Variants in DENND3 observed in about 807,000 individuals in gnomAD.
The protein encoded by DENND3 is DENN domain containing 3.
DENND3 carries 88 observed loss-of-function variants against 135.1 expected under a neutral mutation model. That is an observed-to-expected ratio of 0.65 (90% CI 0.55 to 0.78). The LOEUF (loss-of-function observed/expected upper bound fraction) is 0.78, where lower values mean the gene tolerates loss of function less well. Among genes scored for constraint, DENND3 ranks in the 30% least tolerant of loss-of-function variants. The probability of loss-of-function intolerance (pLI) is 0.00; values close to 1 mark genes in which losing one functional copy is unlikely to be tolerated. For synonymous variants in DENND3, 693 were observed against 712.3 expected (o/e 0.97, Z 0.43); for missense variants, 1,392 against 1,688.4 (o/e 0.82, Z 3.08).
intron 18 of DENND3, among the ~76,000 whole-genome samples, chr8:141,186,243 G>A (rs1823873152): frequency 6.6e-6 from 1 of 152,158 alleles, no homozygotes; most frequent in South Asian, 2.1e-4. Flanking sequence ...GGGAACCCTG[G>A]TGTTTCCTGG....
At position 141,168,540 on chromosome 8, in the gene DENND3, G is replaced by A; in HGVS notation, c.2275+15G>A. 1 of 1,589,856 alleles carries A rather than the reference G, an allele frequency of 6.3e-7. No individual in the cohort carries two copies. The highest frequency in any genetic ancestry group is 8.6e-7 in the Non-Finnish European group (1 of 1,165,352). ...CTTGACTGTAGGTAAGAGGAGGCCT[G>A]GCACCATCACAGATTTTATTATTTA... On this transcript the variant is annotated intron_variant, in intron 13 of 22. Coordinates refer to ENST00000519811, the MANE Select transcript of DENND3 (RefSeq NM_001352890.3). The surrounding 1 kb of genome is among the most constrained non-coding windows in gnomAD (Gnocchi z 6.2).
At chr8:141,185,354 T>G in intron 18 of DENND3, 76 bp downstream of exon 18, 2 of 1,585,896 alleles carry the variant, frequency 1.3e-6, no homozygotes, top group Non-Finnish European at 1.7e-6. Context: ...TCATCCATAT[T>G]CGACAGTAGG....
chr8:141,159,664 A>G (rs1303995288), intron 8 of DENND3, among the ~76,000 whole-genome samples: 4 of 152,232 alleles, frequency 2.6e-5, no homozygotes, highest in African/African-American at 9.6e-5. Flanking sequence ...TATGGCATAC[A>G]GTAGGTGCTC....
At chr8:141,142,261 A>C (rs1284540699) in intron 4 of DENND3, 1 of 414,328 alleles carries the variant, frequency 2.4e-6, no homozygotes, top group Non-Finnish European at 4.9e-6. Flanking sequence ...TGAGTCTCAT[A>C]AAGTTACAGT....
Position 141,144,271 on chromosome 8 carries a change from C to A in DENND3, c.735+12C>A, listed in dbSNP as rs749151175. Reference sequence around the variant, plus strand: ...GACCGCTCCATTTGGTAAAGTATATCTGAAATTATATTGTTTTTTCTTTGC... The same window carrying A: ...GACCGCTCCATTTGGTAAAGTATATATGAAATTATATTGTTTTTTCTTTGC... On this transcript the variant is annotated intron_variant, in intron 5 of 22. Transcript: ENST00000519811. The surrounding 1 kb of genome is among the most constrained non-coding windows in gnomAD (Gnocchi z 4.4). The A allele has an allele frequency of 1.9e-6, 3 of 1,591,572 alleles. No individual in the cohort carries two copies. The Admixed American group carries it at 5.4e-5, about 29-fold the overall frequency.
chr8:141,181,876 G>A lies in DENND3; in HGVS notation c.2944+1022G>A, dbSNP rs1823165364. Among the ~76,000 whole-genome samples, 2 of 152,174 alleles carry A rather than the reference G, an allele frequency of 1.3e-5. 1 individual carries two copies. Among genetic ancestry groups the A allele is most frequent in the Middle Eastern group, 6.8e-3 (2 of 294 alleles). The stretch of plus-strand genomic sequence containing the variant: ...CAGCCTCAACCTCCTGGATTCAAGC[G>A]ATCCTCTTGCCTCAGCCTCCTGGGT... On this transcript the variant is annotated intron_variant, in intron 17 of 22. Transcript: ENST00000519811.
rs539866571 is a variant in DENND3, at chr8:141,167,094, G to A, written c.1753+705G>A. Reference sequence around the variant, plus strand: ...GCACGAGTGACACCTTGATGACCCCGAGGGCTATGGTCTAGCAGGGGCAGT... The same window carrying A: ...GCACGAGTGACACCTTGATGACCCCAAGGGCTATGGTCTAGCAGGGGCAGT... On this transcript the variant is annotated intron_variant, in intron 12 of 22. Coordinates refer to ENST00000519811, the MANE Select transcript of DENND3 (RefSeq NM_001352890.3). The surrounding 1 kb of genome is among the most constrained non-coding windows in gnomAD (Gnocchi z 4.1). Among the ~76,000 whole-genome samples, 13 of 152,260 alleles carry A rather than the reference G, an allele frequency of 8.5e-5. No individual in the cohort carries two copies. The highest frequency in any genetic ancestry group is 1.6e-4 in the Non-Finnish European group (11 of 68,008).
chr8:141,134,647 T>G (rs73362414), intron 1 of DENND3, among the ~76,000 whole-genome samples: 2,211 of 152,240 alleles, frequency 0.015, 47 homozygotes, highest in African/African-American at 0.05. Flanking sequence ...TTGACCGAAT[T>G]TGAGTGATGT....
At chr8:141,149,760 G>A (rs997069741) in intron 5 of DENND3, among the ~76,000 whole-genome samples, 3 of 152,260 alleles carry the variant, frequency 2.0e-5, no homozygotes, top group Admixed American at 6.5e-5. Flanking sequence ...GGTGTCCCCC[G>A]CTGGGACGCG....
chr8:141,143,914 AC>A (rs2154612814), intron 4 of DENND3: 1 of 449,802 alleles, frequency 2.2e-6, no homozygotes, highest in South Asian at 3.3e-5. Flanking sequence ...ACAGAGCATG[AC>A]CAGGACTTCC....
At chr8:141,151,036 T>C in intron 6 of DENND3, 83 bp downstream of exon 6, 1 of 1,434,344 alleles carries the variant, frequency 7.0e-7, no homozygotes, top group South Asian at 1.6e-5. Flanking sequence ...ATGATGAAGA[T>C]GCGAGTTTAT....
At chr8:141,135,364 C>T (rs1177521661) in intron 1 of DENND3, among the ~76,000 whole-genome samples, 2 of 152,094 alleles carry the variant, frequency 1.3e-5, no homozygotes, top group African/African-American at 4.8e-5. Context: ...GTTGCCCAGG[C>T]TGGCCTTGAA....
intron 5 of DENND3, among the ~76,000 whole-genome samples, chr8:141,149,612 C>T (rs1473438518): frequency 6.6e-6 from 1 of 152,228 alleles, no homozygotes; most frequent in Admixed American, 6.5e-5. Context: ...CCAGCCCTGG[C>T]CGGATGCTGT....
Position 141,151,846 on chromosome 8 carries a change from G to A in DENND3, c.1074+9G>A, listed in dbSNP as rs781732778. On this transcript the variant is annotated intron_variant, in intron 7 of 22. Transcript: ENST00000519811. The stretch of plus-strand genomic sequence containing the variant: ...TCGAAGAAGTCAGCAAGGTTAGGTA[G>A]CGAACCTTTGACTTGGAATGCTAAA... 66 of 1,613,350 alleles carry A rather than the reference G, an allele frequency of 4.1e-5. No individual in the cohort carries two copies. Among genetic ancestry groups the A allele is most frequent in the Non-Finnish European group, 4.8e-5 (57 of 1,179,694 alleles).
rs771815499 is a variant in DENND3, at chr8:141,192,731, G to A, written c.3636+68G>A. 30 of 1,608,548 alleles carry A rather than the reference G, an allele frequency of 1.9e-5. 1 individual carries two copies. The South Asian group carries it at 3.2e-4, about 17-fold the overall frequency. ...TCGCTTGCCCTGGCCGCATCCCCATGCTCCCGAGAGCCAGCCGCACGCCCT... is the reference window on the plus strand; with the variant it reads ...TCGCTTGCCCTGGCCGCATCCCCATACTCCCGAGAGCCAGCCGCACGCCCT... On this transcript the variant is annotated intron_variant, in intron 22 of 22. Coordinates refer to ENST00000519811, the MANE Select transcript of DENND3 (RefSeq NM_001352890.3).
chr8:141,132,240 G>T (rs1422058716), intron 1 of DENND3, among the ~76,000 whole-genome samples: 1 of 152,190 alleles, frequency 6.6e-6, no homozygotes, highest in South Asian at 2.1e-4. Context: ...GCATTAAAAT[G>T]TATAAAATGC....
Position 141,188,990 on chromosome 8 carries a change from G to A in DENND3, c.3089G>A (p.Cys1030Tyr). 3 of 1,613,542 alleles carry A rather than the reference G, an allele frequency of 1.9e-6. No individual in the cohort carries two copies. The highest frequency in any genetic ancestry group is 2.5e-6 in the Non-Finnish European group (3 of 1,179,764). ...GTTCCCGTGGCCTCCTGTTAGAACT[G>A]CATGGTGATGGCCGACCAGAACCAG... ...SFKVGTAKVN[C>Y]MVMADQNQVW... Residue 1030 changes from cysteine to tyrosine, a missense_variant, in exon 19 of 23, where the codon TGC becomes TAC. Transcript: ENST00000519811.
rs1375967635 is a variant in DENND3 at position 141,141,160 on chromosome 8, C to G, written c.502-43C>G. 2 of 1,613,522 alleles carry G rather than the reference C, an allele frequency of 1.2e-6. No individual in the cohort carries two copies. The highest frequency in any genetic ancestry group is 1.7e-6 in the Non-Finnish European group (2 of 1,179,682). On this transcript the variant is annotated intron_variant, in intron 3 of 22. Transcript: ENST00000519811. This position sits in a 1 kb window ranked among gnomAD's most constrained non-coding sequence, Gnocchi z 5.3. Reference sequence around the variant, plus strand: ...CAGTTGGAAACAGATACTGGAATTGCCAAGGTGGGGAGGTGACCATGTCGC... The same window carrying G: ...CAGTTGGAAACAGATACTGGAATTGGCAAGGTGGGGAGGTGACCATGTCGC...
At chr8:141,173,129 C>T (rs1292055304) in intron 13 of DENND3, among the ~76,000 whole-genome samples, 1 of 147,106 alleles carries the variant, frequency 6.8e-6, no homozygotes, top group African/African-American at 2.5e-5. Flanking sequence ...CAGGAGAGGA[C>T]CCCCATGCTC....
Sources: gnomAD v4.1 joint callset for allele counts (sites outside exome capture counted in the v4.1 genomes callset) on GRCh38, gnomAD v4.1.1 for gene constraint, Gnocchi (gnomAD v3.1) non-coding constraint, MANE v1.5 for transcripts, NCBI Gene and HGNC (gene_info 2026-07-23, HGNC 2026-07-21) for gene names.